CLTA: variants seen among roughly 807,000 people sequenced by gnomAD.
CLTA encodes clathrin light chain A.
CLTA carries 9 observed loss-of-function variants against 26.9 expected under a neutral mutation model. The observed-to-expected ratio is 0.33, with a 90% CI of 0.20 to 0.58. CLTA has a LOEUF of 0.58. CLTA is among the 20% of genes least tolerant of loss of function. CLTA has a pLI of 0.85. For synonymous variants in CLTA, 120 were observed against 115.5 expected, an observed-to-expected ratio of 1.04 and a Z score of -0.25; for missense variants, 278 against 294.2, an observed-to-expected ratio of 0.94 and a Z score of 0.40.
chr9:36,197,554 C>G lies in CLTA; in HGVS notation c.221C>G (p.Ala74Gly), dbSNP rs1827127568. 1 of 1,610,946 alleles carries G rather than the reference C, an allele frequency of 6.2e-7. No individual in the cohort carries two copies. The highest frequency in any genetic ancestry group is 1.1e-5 in the South Asian group (1 of 90,742). ...PHGEPPGGPD[A>G]VDGVMNGEYY... Reference sequence around the variant, plus strand: ...ACCAAAATCTTATGTCTTGCAGATGCTGTTGATGGAGTAATGAATGGTGAA... The same window carrying G: ...ACCAAAATCTTATGTCTTGCAGATGGTGTTGATGGAGTAATGAATGGTGAA... The change falls in exon 2 of 5, where the codon GCT (alanine) becomes GGT (glycine). Residue 74 changes from alanine to glycine, a missense_variant. Ala to Gly is a moderately conservative substitution (Grantham distance 60). Transcript: ENST00000345519.
At chr9:36,207,524 C>G (rs1827795054) in intron 4 of CLTA, among the ~76,000 whole-genome samples, 1 of 152,202 alleles carries the variant, frequency 6.6e-6, no homozygotes, top group Admixed American at 6.5e-5. Flanking sequence ...CAGAGCTTGT[C>G]CTAGGTCAGG....
At chr9:36,193,678 A>C (rs1826866922) in intron 1 of CLTA, among the ~76,000 whole-genome samples, 1 of 152,212 alleles carries the variant, frequency 6.6e-6, no homozygotes, top group African/African-American at 2.4e-5. Flanking sequence ...ATATATAGGC[A>C]GTCAGCTATG....
intron 4 of CLTA, among the ~76,000 whole-genome samples, chr9:36,205,828 C>T (rs910898276): frequency 4.2e-5 from 6 of 142,392 alleles, no homozygotes; most frequent in South Asian, 2.2e-4. Flanking sequence ...GGTGCGATCT[C>T]GGCTCACTGC....
intron 4 of CLTA, chr9:36,209,144 C>A: frequency 8.3e-7 from 1 of 1,209,784 alleles, no homozygotes; most frequent in Non-Finnish European, 1.2e-6. Flanking sequence ...TAGGAAGGAG[C>A]CTTGGGAGCA....
chr9:36,197,055 A>C (rs1196015111), intron 1 of CLTA, among the ~76,000 whole-genome samples: 1 of 152,194 alleles, frequency 6.6e-6, no homozygotes, highest in East Asian at 1.9e-4. Flanking sequence ...CATGCCTGCA[A>C]TCCCAGCTCC....
intron 4 of CLTA, among the ~76,000 whole-genome samples, chr9:36,207,507 G>A (rs140038687): frequency 6.6e-6 from 1 of 152,114 alleles, no homozygotes; most frequent in Non-Finnish European, 1.5e-5. Flanking sequence ...CATTGTATTC[G>A]TGCCTCCAGA....
At chr9:36,199,644 C>T (rs1433793255) in intron 3 of CLTA, among the ~76,000 whole-genome samples, 1 of 151,102 alleles carries the variant, frequency 6.6e-6, no homozygotes. Flanking sequence ...TTAGTAGAGA[C>T]AGGGTTTCAC....
intron 3 of CLTA, among the ~76,000 whole-genome samples, chr9:36,203,052 C>T (rs1210651357): frequency 3.9e-5 from 6 of 152,002 alleles, no homozygotes; most frequent in Non-Finnish European, 7.4e-5. Flanking sequence ...AGGCTGGTCT[C>T]GAACTCCTAA....
At chr9:36,197,090 G>A (rs556660177) in intron 1 of CLTA, among the ~76,000 whole-genome samples, 19 of 152,290 alleles carry the variant, frequency 1.2e-4, no homozygotes, top group South Asian at 4.1e-4. Flanking sequence ...TGGGAGGTTC[G>A]CTTGAGCCCA....
intron 2 of CLTA, among the ~76,000 whole-genome samples, chr9:36,198,210 C>T (rs556068193): frequency 1.3e-5 from 2 of 151,668 alleles, no homozygotes; most frequent in East Asian, 3.9e-4. Context: ...GTTGGCCAGG[C>T]AGGTCTTGAA....
At chr9:36,211,448 A>G (rs889218737) in intron 4 of CLTA, 155 bp from the exon 5 acceptor site, 3 of 443,570 alleles carry the variant, frequency 6.8e-6, no homozygotes, top group South Asian at 9.5e-5. Flanking sequence ...CTACGTGTCT[A>G]CCTGAGTCTG....
chr9:36,196,261 C>A (rs1320178837), intron 1 of CLTA, among the ~76,000 whole-genome samples: 1 of 148,936 alleles, frequency 6.7e-6, no homozygotes, highest in Non-Finnish European at 1.5e-5. Flanking sequence ...CTAGCCTGGG[C>A]AACAGAGCAA....
intron 3 of CLTA, among the ~76,000 whole-genome samples, chr9:36,202,830 TTTC>T (rs1469203006): frequency 6.6e-6 from 1 of 152,010 alleles, no homozygotes; most frequent in African/African-American, 2.4e-5. Context: ...TTTTTTTTTT[TTTC>T]TTTTTTGAGA....
In CLTA at chr9:36,201,293, C is replaced by T. The variant is rs1260239372; in HGVS notation, c.373+2197C>T. ...GCACGCGATGCTAAAAATAGAGAACCGGTGCCAGTGGTTTTCAGCCTAGCT... is the reference window on the plus strand; with the variant it reads ...GCACGCGATGCTAAAAATAGAGAACTGGTGCCAGTGGTTTTCAGCCTAGCT... On this transcript the variant is annotated intron_variant, in intron 3 of 4. Transcript: ENST00000345519. Among the ~76,000 whole-genome samples, 9 of 152,166 alleles carry T rather than the reference C, an allele frequency of 5.9e-5. No individual in the cohort carries two copies. The South Asian group carries it at 1.2e-3, about 21-fold the overall frequency.
At chr9:36,199,807 G>A (rs749887855) in intron 3 of CLTA, among the ~76,000 whole-genome samples, 1 of 152,146 alleles carries the variant, frequency 6.6e-6, no homozygotes, top group Non-Finnish European at 1.5e-5. Context: ...GGAAAATGAG[G>A]TATGTTAGGA....
intron 3 of CLTA, among the ~76,000 whole-genome samples, chr9:36,202,205 C>A (rs765918864): frequency 3.3e-5 from 5 of 152,194 alleles, no homozygotes; most frequent in Non-Finnish European, 7.3e-5. Context: ...CACCTTCCGA[C>A]AAATTAGATA....
At chr9:36,210,902 T>C (rs999390375) in intron 4 of CLTA, among the ~76,000 whole-genome samples, 1 of 152,190 alleles carries the variant, frequency 6.6e-6, no homozygotes, top group African/African-American at 2.4e-5. Flanking sequence ...AATTCCGAAC[T>C]GGGGGTGGGC....
At chr9:36,207,506 C>T (rs941749394) in intron 4 of CLTA, among the ~76,000 whole-genome samples, 2 of 152,206 alleles carry the variant, frequency 1.3e-5, no homozygotes, top group African/African-American at 4.8e-5. Flanking sequence ...GCATTGTATT[C>T]GTGCCTCCAG....
Position 36,211,584 on chromosome 9 carries a change from A to G in CLTA, c.486-19A>G. 1 of 1,599,428 alleles carries G rather than the reference A, an allele frequency of 6.3e-7. No homozygotes were observed. Among genetic ancestry groups the G allele is most frequent in the Non-Finnish European group, 8.5e-7 (1 of 1,169,812 alleles). ...AAGGGGGTTCTGCATAAACCAACAT[A>G]TTTTGTTGTTGCTTCCAGGGCAGCA... On this transcript the variant is annotated intron_variant, in intron 4 of 4. Coordinates refer to ENST00000345519, the MANE Select transcript of CLTA (RefSeq NM_001833.4).
Sources: gnomAD v4.1 joint callset for allele counts (sites outside exome capture counted in the v4.1 genomes callset) on GRCh38, gnomAD v4.1.1 for gene constraint, MANE v1.5 for transcripts, NCBI Gene and HGNC (gene_info 2026-07-23, HGNC 2026-07-21) for gene names.